The following TNRC6B variants were observed in gnomAD, a reference collection of about 807,000 sequenced individuals.
The protein encoded by TNRC6B is trinucleotide repeat containing adaptor 6B.
Under a neutral mutation model 203.6 loss-of-function variants are expected in TNRC6B, and 52 were observed. The ratio of observed to expected loss-of-function variants is 0.26; its 90% CI spans 0.20 to 0.32. The LOEUF is 0.32. Ranked by LOEUF, TNRC6B falls within the 10% of genes least tolerant of loss-of-function variation. The probability of loss-of-function intolerance (pLI) is 1.00; values close to 1 mark genes in which losing one functional copy is unlikely to be tolerated. For missense variants in TNRC6B, 1,923 were observed against 2,286.2 expected (o/e 0.84, Z 3.24); for synonymous variants, 838 against 845.7 (o/e 0.99, Z 0.16).
At chr22:40,158,283 G>A (rs936024330) in intron 4 of TNRC6B, among the ~76,000 whole-genome samples, 1 of 151,880 alleles carries the variant, frequency 6.6e-6, no homozygotes, top group Non-Finnish European at 1.5e-5. Flanking sequence ...AGGTTGCAGT[G>A]AGCTGAGATC....
In TNRC6B at chr22:40,126,170, G is replaced by C. The variant is rs373568184; in HGVS notation, c.45+308G>C. ...AAAAATCAGAAGTATATAAAGTCAG[G>C]AGTCAAAGCTGGTCCCCTGTTCCTG... On this transcript the variant is annotated intron_variant, in intron 3 of 23. Transcript: ENST00000301923. Among the ~76,000 whole-genome samples, 5 of 152,214 alleles carry C rather than the reference G, an allele frequency of 3.3e-5. No individual in the cohort carries two copies. In the South Asian group the frequency reaches 8.3e-4, roughly 25 times the overall value.
chr22:40,124,785 C>T (rs925074936), intron 2 of TNRC6B, among the ~76,000 whole-genome samples: 4 of 151,828 alleles, frequency 2.6e-5, no homozygotes, highest in Admixed American at 2.0e-4. Flanking sequence ...GAGTCTGAGG[C>T]GGTCGGATCA....
chr22:40,091,475 A>G (rs752590211), intron 1 of TNRC6B, among the ~76,000 whole-genome samples: 11 of 152,174 alleles, frequency 7.2e-5, no homozygotes, highest in Non-Finnish European at 1.3e-4. Flanking sequence ...AAGAAAAAAA[A>G]AAAGCACAGC....
intron 1 of TNRC6B, among the ~76,000 whole-genome samples, chr22:40,187,788 A>G (rs901099721): frequency 6.6e-6 from 1 of 152,212 alleles, no homozygotes; most frequent in Non-Finnish European, 1.5e-5. Flanking sequence ...AATTGAACGC[A>G]TATTTACTAA....
chr22:40,198,200 G>T (rs780444182), intron 1 of TNRC6B, among the ~76,000 whole-genome samples: 2 of 152,036 alleles, frequency 1.3e-5, no homozygotes, highest in Non-Finnish European at 2.9e-5. Context: ...TCTTAAGTAG[G>T]TTAAATATCT....
intron 1 of TNRC6B, among the ~76,000 whole-genome samples, chr22:40,199,449 C>T (rs924977523): frequency 1.3e-5 from 2 of 152,108 alleles, no homozygotes; most frequent in African/African-American, 4.8e-5. Flanking sequence ...TGCAGTGTTC[C>T]TGCCAAGGCA....
In TNRC6B at chr22:40,316,059, A is replaced by G. The variant is rs372584864; in HGVS notation, c.4974+47A>G. On this transcript the variant is annotated intron_variant, in intron 21 of 22. Coordinates refer to ENST00000454349, the MANE Select transcript of TNRC6B (RefSeq NM_001162501.2). The stretch of plus-strand genomic sequence containing the variant: ...TTTCTAGATAGGACTTGATTGTATT[A>G]AGAGAGAGGGAAAGGTTGGGCATGG... 1.3e-3 allele frequency: 2,027 copies of G among 1,565,896 alleles called. 1 individual carries two copies. Among genetic ancestry groups the G allele is most frequent in the Non-Finnish European group, 1.7e-3 (1,914 of 1,139,338 alleles).
chr22:40,276,082 T>C (rs1334762352), intron 7 of TNRC6B, among the ~76,000 whole-genome samples: 1 of 152,080 alleles, frequency 6.6e-6, no homozygotes, highest in East Asian at 1.9e-4. Flanking sequence ...GCACGGTGGC[T>C]CACACCTGTA....
At chr22:40,172,947 A>T (rs879364518), upstream of TNRC6B, among the ~76,000 whole-genome samples, 1 of 152,122 alleles carries the variant, frequency 6.6e-6, no homozygotes, top group African/African-American at 2.4e-5. Context: ...TATTTATGTA[A>T]AGTTACATAT....
At chr22:40,189,787 C>T (rs1380556530) in intron 1 of TNRC6B, among the ~76,000 whole-genome samples, 1 of 152,076 alleles carries the variant, frequency 6.6e-6, no homozygotes, top group Non-Finnish European at 1.5e-5. Context: ...GGTTCCCAGA[C>T]TTCGGTTTCA....
chr22:40,192,775 T>G (rs1472861364), intron 1 of TNRC6B, among the ~76,000 whole-genome samples: 3 of 151,354 alleles, frequency 2.0e-5, no homozygotes, highest in African/African-American at 7.3e-5. Context: ...AGAGCAGGGG[T>G]TTGGGCTATG....
At chr22:40,126,302 TG>T (rs2068492630) in intron 3 of TNRC6B, among the ~76,000 whole-genome samples, 2 of 152,160 alleles carry the variant, frequency 1.3e-5, no homozygotes, top group African/African-American at 4.8e-5. Flanking sequence ...TGCATGAGTA[TG>T]TTGTGTGATG....
At chr22:40,093,231 GACTTACTGA>G (rs958393649) in intron 1 of TNRC6B, among the ~76,000 whole-genome samples, 1 of 152,174 alleles carries the variant, frequency 6.6e-6, no homozygotes, top group African/African-American at 2.4e-5. Context: ...AGTGAAGCAG[GACTTACTGA>G]ACTAGAAGAT....
At chr22:40,260,877 C>G (rs1198159807) in intron 3 of TNRC6B, among the ~76,000 whole-genome samples, 1 of 152,180 alleles carries the variant, frequency 6.6e-6, no homozygotes, top group East Asian at 1.9e-4. Context: ...CTACCTTCAG[C>G]AAACTGGAGA....
At chr22:40,251,455 C>T (rs1025601418) in intron 3 of TNRC6B, among the ~76,000 whole-genome samples, 4 of 152,142 alleles carry the variant, frequency 2.6e-5, no homozygotes, top group Non-Finnish European at 5.9e-5. Flanking sequence ...TGGCTGGGCA[C>T]GGTGGCTTAC....
Position 40,106,584 on chromosome 22 carries a change from C to A in TNRC6B, c.-120-10471C>A, listed in dbSNP as rs879056317. On this transcript the variant is annotated intron_variant, in intron 1 of 23. Coordinates refer to the TNRC6B transcript ENST00000301923. Reference sequence around the variant, plus strand: ...AAAGCAATTCGCTTCTTACTGAATTCTCCATAACCACGCTTGTAGATAAGT... The same window carrying A: ...AAAGCAATTCGCTTCTTACTGAATTATCCATAACCACGCTTGTAGATAAGT... The A allele has an allele frequency of 3.0e-5, 22 of 727,974 alleles. No homozygotes were observed. The African/African-American group carries it at 3.8e-4, about 13-fold the overall frequency. 45.1% of individuals were successfully genotyped at this position (727,974 alleles called of 1,614,324 possible).
intron 1 of TNRC6B, among the ~76,000 whole-genome samples, chr22:40,210,862 G>C (rs1470915953): frequency 6.6e-6 from 1 of 152,056 alleles, no homozygotes; most frequent in Admixed American, 6.5e-5. Context: ...TGTTGTGGGG[G>C]CCATCCAGTG....
chr22:40,269,611 G>A (rs975234453), intron 5 of TNRC6B, among the ~76,000 whole-genome samples: 3 of 152,090 alleles, frequency 2.0e-5, no homozygotes, highest in Non-Finnish European at 4.4e-5. Context: ...GCCTGGGCAT[G>A]ATGGCTCATG....
At chr22:40,259,821 G>A in intron 3 of TNRC6B, among the ~76,000 whole-genome samples, 1 of 152,206 alleles carries the variant, frequency 6.6e-6, no homozygotes, top group Non-Finnish European at 1.5e-5. Context: ...AGCAGTCAAA[G>A]CAGTACTACC....
Sources: gnomAD v4.1 joint callset for allele counts (sites outside exome capture counted in the v4.1 genomes callset) on GRCh38, gnomAD v4.1.1 for gene constraint, MANE v1.5 for transcripts, NCBI Gene and HGNC (gene_info 2026-07-23, HGNC 2026-07-21) for gene names.